Variants in GRM7 observed in about 807,000 individuals in gnomAD.
The protein encoded by GRM7 is metabotropic glutamate receptor 7.
A neutral mutation model predicts 84.5 loss-of-function variants in GRM7; 35 were observed. That is an observed-to-expected ratio of 0.41 (90% CI 0.32 to 0.55). The LOEUF (loss-of-function observed/expected upper bound fraction) is 0.55. Among genes scored for constraint, GRM7 ranks in the 20% least tolerant of loss-of-function variants. GRM7 has a pLI of 0.19. For missense variants in GRM7, 1,003 were observed against 1,194.6 expected, an observed-to-expected ratio of 0.84 and a Z score of 2.36; for synonymous variants, 487 against 455.1, an observed-to-expected ratio of 1.07 and a Z score of -0.89.
chr3:7,595,619 G>A lies in GRM7; in HGVS notation c.2451+16262G>A, dbSNP rs188988750. ...ATGGTGGGAAGGAGAGTGAGAGGGC[G>A]GTCAGGGATGCCATCTTGGAGGTGG... On this transcript the variant is annotated intron_variant, in intron 8 of 9. Transcript: ENST00000357716. Among the ~76,000 whole-genome samples the A allele has an allele frequency of 1.4e-4, 22 of 152,154 alleles. 1 individual carries two copies. In the East Asian group the frequency reaches 2.7e-3, roughly 19 times the overall value.
At chr3:7,707,751 AT>A (rs1397987331) in intron 9 of GRM7, among the ~76,000 whole-genome samples, 1 of 152,156 alleles carries the variant, frequency 6.6e-6, no homozygotes. Context: ...TGCCACAAAA[AT>A]TCCAAGCTCC....
intron 1 of GRM7, among the ~76,000 whole-genome samples, chr3:7,029,324 A>AC (rs1696103222): frequency 1.3e-5 from 2 of 151,590 alleles, no homozygotes; most frequent in East Asian, 1.9e-4. Context: ...ACAAAAAAAA[A>AC]AAACAAACAA....
intron 1 of GRM7, among the ~76,000 whole-genome samples, chr3:6,975,230 A>T (rs2125099092): frequency 6.6e-6 from 1 of 152,320 alleles, no homozygotes; most frequent in East Asian, 1.9e-4. Context: ...GTCTTAGAAG[A>T]GGAACTTGGG....
chr3:7,694,416 C>T, intron 9 of GRM7: 1 of 959,058 alleles, frequency 1.0e-6, no homozygotes, highest in Non-Finnish European at 1.2e-6. Context: ...CTCTTGTACC[C>T]ATTGTCATCC....
chr3:7,656,547 GCA>G (rs36040422), intron 8 of GRM7, among the ~76,000 whole-genome samples: 50 of 139,296 alleles, frequency 3.6e-4, no homozygotes, highest in Middle Eastern at 3.7e-3. Flanking sequence ...ATACGCGCGC[GCA>G]CACACACACA....
At chr3:6,959,250 C>T (rs1575068712) in intron 1 of GRM7, among the ~76,000 whole-genome samples, 1 of 152,138 alleles carries the variant, frequency 6.6e-6, no homozygotes, top group East Asian at 1.9e-4. Context: ...GGTTGTATGG[C>T]TCATGGCCAT....
At chr3:7,091,400 T>A (rs1449719512) in intron 1 of GRM7, among the ~76,000 whole-genome samples, 2 of 152,132 alleles carry the variant, frequency 1.3e-5, no homozygotes, top group African/African-American at 2.4e-5. Flanking sequence ...AGATGTTTAT[T>A]GTTTCCATCA....
At position 7,310,468 on chromosome 3, in the gene GRM7, C is replaced by G. The variant is rs532479226; in HGVS notation, c.1033+3816C>G. ...GATCTGAACTAAAATATTCCTGGCT[C>G]CAATTTAGATATGCCCTACTTTAGC... On this transcript the variant is annotated intron_variant, in intron 4 of 9. Coordinates refer to ENST00000357716, the MANE Select transcript of GRM7 (RefSeq NM_000844.4). 3.3e-5 allele frequency among the ~76,000 whole-genome samples: 5 copies of G among 152,076 alleles called. No individual in the cohort carries two copies. The South Asian group carries it at 1.0e-3, about 32-fold the overall frequency.
intron 2 of GRM7, among the ~76,000 whole-genome samples, chr3:7,190,692 C>A (rs1056830374): frequency 4.6e-5 from 7 of 152,138 alleles, no homozygotes; most frequent in Admixed American, 2.6e-4. Flanking sequence ...TTCCTACAAG[C>A]AGTTTAATAT....
At chr3:7,631,129 G>A (rs943183189) in intron 8 of GRM7, among the ~76,000 whole-genome samples, 19 of 152,224 alleles carry the variant, frequency 1.2e-4, no homozygotes, top group African/African-American at 4.3e-4. Context: ...GGACCAGACA[G>A]CAGGAGTACA....
rs560135127 is a variant in GRM7, at chr3:7,066,849, G to A, written c.520-79603G>A. Among the ~76,000 whole-genome samples, 4 of 152,018 alleles carry A rather than the reference G, an allele frequency of 2.6e-5. No homozygotes were observed. In the South Asian group the frequency reaches 8.3e-4, roughly 32 times the overall value. ...ATGATCAAGTGGGTTTCATACCAGG[G>A]ATGCAGGGATGATTTAACATACGCA... is the stretch of plus-strand genomic sequence containing the variant. On this transcript the variant is annotated intron_variant, in intron 1 of 9. Transcript: ENST00000357716.
intron 2 of GRM7, among the ~76,000 whole-genome samples, chr3:7,150,019 G>C (rs892420666): frequency 2.0e-5 from 3 of 151,958 alleles, no homozygotes; most frequent in African/African-American, 7.3e-5. Context: ...AAGGAAGTGA[G>C]CTATTTGCAT....
intron 1 of GRM7, among the ~76,000 whole-genome samples, chr3:7,009,491 T>C (rs1695298183): frequency 6.6e-6 from 1 of 152,196 alleles, no homozygotes; most frequent in South Asian, 2.1e-4. Context: ...CTTATGTATC[T>C]AAAAAATGAT....
intron 9 of GRM7, among the ~76,000 whole-genome samples, chr3:7,737,225 A>C (rs1299774816): frequency 6.6e-6 from 1 of 152,198 alleles, no homozygotes; most frequent in Non-Finnish European, 1.5e-5. Context: ...ACCTTTCTTA[A>C]GTAGCAATGG....
intron 1 of GRM7, among the ~76,000 whole-genome samples, chr3:6,950,592 G>C (rs1270559893): frequency 6.6e-6 from 1 of 152,242 alleles, no homozygotes; most frequent in African/African-American, 2.4e-5. Flanking sequence ...CTGTCAGACA[G>C]GGACATTTAA....
At chr3:7,468,292 C>T (rs566812492) in intron 7 of GRM7, among the ~76,000 whole-genome samples, 2 of 152,250 alleles carry the variant, frequency 1.3e-5, no homozygotes, top group African/African-American at 4.8e-5. Context: ...TGTGGAACCA[C>T]CTTTCTGCCC....
intron 9 of GRM7, among the ~76,000 whole-genome samples, chr3:7,717,813 AC>A (rs1701817101): frequency 6.6e-6 from 1 of 152,222 alleles, no homozygotes; most frequent in Non-Finnish European, 1.5e-5. Context: ...AGAGATGCTT[AC>A]TATGGACAAA....
At chr3:6,986,067 A>G (rs1003397531) in intron 1 of GRM7, among the ~76,000 whole-genome samples, 1 of 152,140 alleles carries the variant, frequency 6.6e-6, no homozygotes, top group Non-Finnish European at 1.5e-5. Context: ...CACAGTGGGT[A>G]TGAAGTTTCG....
chr3:7,433,639 G>C (rs996541668), intron 5 of GRM7, among the ~76,000 whole-genome samples: 14 of 152,176 alleles, frequency 9.2e-5, no homozygotes, highest in African/African-American at 3.4e-4. Flanking sequence ...TATAGGTCAT[G>C]ATCCAAGTAT....
Sources: allele counts gnomAD v4.1 joint callset (sites outside exome capture counted in the v4.1 genomes callset), GRCh38; gene constraint gnomAD v4.1.1; transcripts MANE v1.5; gene names NCBI Gene and HGNC (gene_info 2026-07-23, HGNC 2026-07-21).